DMD: variants seen among roughly 807,000 people sequenced by gnomAD.
The protein encoded by DMD is mutant dystrophin.
Under a neutral mutation model 330.1 loss-of-function variants are expected in DMD, and 63 were observed. The ratio of observed to expected loss-of-function variants is 0.19; its 90% CI spans 0.16 to 0.24. The LOEUF (loss-of-function observed/expected upper bound fraction) is 0.24. DMD is among the 10% of genes least tolerant of loss of function. The pLI, the probability that DMD is intolerant of heterozygous loss-of-function variation, is 1.00. For synonymous variants in DMD, 1,223 were observed against 959.8 expected (o/e 1.27, Z -5.07); for missense variants, 3,344 against 2,684.1 (o/e 1.25, Z -5.43).
chrX:32,675,320 C>A (rs185339191), intron 9 of DMD, among the ~76,000 whole-genome samples: 1 of 111,129 alleles, frequency 9.0e-6, no homozygotes, highest in East Asian at 2.8e-4. Context: ...CTCTTCCACT[C>A]CTGAAAGAGA....
At chrX:32,297,977 G>A (rs946290421) in intron 42 of DMD, among the ~76,000 whole-genome samples, 6 of 110,784 alleles carry the variant, frequency 5.4e-5, no homozygotes, top group African/African-American at 2.0e-4. Flanking sequence ...GATTATGGCT[G>A]GAGTGTATGA....
chrX:31,451,135 TCTTCCTTC>T (rs1204624690), intron 59 of DMD, among the ~76,000 whole-genome samples: 1 of 108,764 alleles, frequency 9.2e-6, no homozygotes, highest in Non-Finnish European at 1.9e-5. Context: ...TCTTTTCTTT[TCTTCCTTC>T]CTTCCTTCTT....
intron 2 of DMD, among the ~76,000 whole-genome samples, chrX:32,938,688 C>G (rs1178914831): frequency 9.0e-6 from 1 of 111,068 alleles, no homozygotes; most frequent in East Asian, 2.8e-4. Context: ...AGTAGGTAGA[C>G]AACATTTATT....
chrX:31,559,572 C>T (rs1284978496), intron 55 of DMD, among the ~76,000 whole-genome samples: 1 of 76,749 alleles, frequency 1.3e-5, no homozygotes, highest in Non-Finnish European at 2.3e-5. Context: ...ACCCGGGAGG[C>T]GGAGCTTGCA....
At chrX:31,125,648 T>C (rs1019807660) in intron 78 of DMD, among the ~76,000 whole-genome samples, 4 of 111,719 alleles carry the variant, frequency 3.6e-5, no homozygotes, top group Non-Finnish European at 7.5e-5. Flanking sequence ...AGTTAACACT[T>C]TGTCATCCAA....
At chrX:32,318,918 TA>T (rs1272588128) in intron 41 of DMD, among the ~76,000 whole-genome samples, 2 of 111,103 alleles carry the variant, frequency 1.8e-5, no homozygotes, top group Non-Finnish European at 3.8e-5. Context: ...GTGTCCTATG[TA>T]AAAGGTCTGG....
chrX:33,101,105 G>A (rs1337313755), intron 1 of DMD, among the ~76,000 whole-genome samples: 3 of 111,997 alleles, frequency 2.7e-5, no homozygotes, highest in Non-Finnish European at 5.6e-5. Context: ...GTTGGCAATC[G>A]CAGCGTTTAT....
intron 48 of DMD, among the ~76,000 whole-genome samples, chrX:31,844,446 T>G (rs1456452273): frequency 9.0e-5 from 10 of 111,443 alleles, no homozygotes; most frequent in Middle Eastern, 9.3e-3. Flanking sequence ...CCTTATAGTA[T>G]AGTTTGAAGT....
At position 32,188,488 on chromosome X, in the gene DMD, T is replaced by C. The variant is rs1371189569; in HGVS notation, c.6438+28428A>G. Among the ~76,000 whole-genome samples, 10 of 103,307 alleles carry C rather than the reference T, an allele frequency of 9.7e-5. No individual in the cohort carries two copies. The Admixed American group carries it at 1.0e-3, about 10-fold the overall frequency. The allele number at this position is 103,307 out of a possible 115,157, so 89.7% of individuals were successfully genotyped here. A position where few individuals can be genotyped will look rare whatever the true frequency, so the allele number is the denominator to read the frequency against. On this transcript the variant is annotated intron_variant, in intron 44 of 78. Coordinates refer to ENST00000357033, the MANE Select transcript of DMD (RefSeq NM_004006.3). ...TTTGGTCTATAGTTAAACTTATAGG[T>C]ACATGAATAGTCAATTACGAGACAC...
At chrX:32,232,234 CG>C (rs1457516441) in intron 43 of DMD, among the ~76,000 whole-genome samples, 1 of 111,718 alleles carries the variant, frequency 9.0e-6, no homozygotes, top group African/African-American at 3.3e-5. Flanking sequence ...GCAGAGGGAA[CG>C]GGTCCAAAAT....
In DMD at chrX:32,895,872, T is replaced by TGTA. The variant is rs1557123338; in HGVS notation, c.94-46053_94-46052insTAC. Among the ~76,000 whole-genome samples the TGTA allele has an allele frequency of 1.6e-3, 155 of 97,380 alleles. 1 individual carries two copies. Among genetic ancestry groups the TGTA allele is most frequent in the African/African-American group, 5.0e-3 (135 of 26,847 alleles). 84.6% of individuals were successfully genotyped at this position (97,380 alleles called of 115,157 possible). ...GTGTGTGTGTGTGTGTGTGTGTGTG[T>TGTA]GTGTAGTGTAGTGTAAATAAGCAAC... On this transcript the variant is annotated intron_variant, in intron 2 of 78. Coordinates refer to ENST00000357033, the MANE Select transcript of DMD (RefSeq NM_004006.3).
At chrX:31,703,359 C>T (rs2083950512) in intron 52 of DMD, among the ~76,000 whole-genome samples, 1 of 112,282 alleles carries the variant, frequency 8.9e-6, no homozygotes, top group Non-Finnish European at 1.9e-5. Context: ...TACCACACAC[C>T]TCACATTTGT....
chrX:31,476,282 C>A (rs958394066), intron 59 of DMD, among the ~76,000 whole-genome samples: 1 of 105,560 alleles, frequency 9.5e-6, no homozygotes, highest in Non-Finnish European at 1.9e-5. Context: ...ACAGAGAGAA[C>A]AGCATTTGCA....
rs753144937 is a variant in DMD at position 32,477,474 on chromosome X, C to T, written c.2804-5165G>A. Among the ~76,000 whole-genome samples, 6 of 109,313 alleles carry T rather than the reference C, an allele frequency of 5.5e-5. No homozygotes were observed. The South Asian group carries it at 2.3e-3, about 43-fold the overall frequency. 94.9% of individuals were successfully genotyped at this position (109,313 alleles called of 115,157 possible). On this transcript the variant is annotated intron_variant, in intron 21 of 78. Transcript: ENST00000357033. ...CTTTAACTCTTAAAAGAGGGAGGGG[C>T]TAAAGGGAAAAGAAGAGAGAAAAAA...
chrX:31,125,456 G>C (rs2033513013), intron 78 of DMD, among the ~76,000 whole-genome samples: 1 of 111,805 alleles, frequency 8.9e-6, no homozygotes, highest in South Asian at 3.8e-4. Flanking sequence ...GTGTTTAAAT[G>C]AATCAGTGGT....
In DMD at chrX:32,472,386, A is replaced by C. The variant is rs1201700131; in HGVS notation, c.2804-77T>G. The C allele has an allele frequency of 4.4e-5, 44 of 999,675 alleles. No homozygotes were observed. In the South Asian group the frequency reaches 7.7e-4, roughly 18 times the overall value. The allele number at this position is 999,675 out of a possible 1,213,427, so 82.4% of individuals were successfully genotyped here. On this transcript the variant is annotated intron_variant, in intron 21 of 78. Transcript: ENST00000357033. ...GCCATGTTTTCCTAAATTGTCAGCA[A>C]ACTCAATTATATTACTAGTTTCAAA...
chrX:32,828,921 T>A (rs2078958762), intron 4 of DMD, among the ~76,000 whole-genome samples: 1 of 111,720 alleles, frequency 9.0e-6, no homozygotes, highest in Admixed American at 9.5e-5. Context: ...ATTCCATGTG[T>A]GAATTGTCTG....
chrX:32,878,441 T>A (rs753543205), intron 2 of DMD, among the ~76,000 whole-genome samples: 1 of 111,772 alleles, frequency 8.9e-6, no homozygotes, highest in African/African-American at 3.2e-5. Context: ...AATGTTAGAG[T>A]TCAAACCTGT....
chrX:31,725,879 C>T (rs772577256), intron 52 of DMD, among the ~76,000 whole-genome samples: 1 of 112,372 alleles, frequency 8.9e-6, no homozygotes, highest in African/African-American at 3.2e-5. Context: ...CTCTTCACTG[C>T]TATGCAAGGT....
Sources: allele counts gnomAD v4.1 joint callset (sites outside exome capture counted in the v4.1 genomes callset), GRCh38; gene constraint gnomAD v4.1.1; transcripts MANE v1.5; gene names NCBI Gene and HGNC (gene_info 2026-07-23, HGNC 2026-07-21).